LYZL2: variants seen among roughly 807,000 people sequenced by gnomAD.
LYZL2 encodes the protein lysozyme-like protein 2.
Under a neutral mutation model 17.1 loss-of-function variants are expected in LYZL2, and 13 were observed. That is an observed-to-expected ratio of 0.76 (90% confidence interval 0.49 to 1.21). The LOEUF is 1.21. Among genes scored for constraint, LYZL2 ranks in the 50% most tolerant of loss-of-function variants. The probability of loss-of-function intolerance (pLI) is 0.00; values close to 1 mark genes in which losing one functional copy is unlikely to be tolerated. For missense variants in LYZL2, 166 were observed against 189.2 expected (o/e 0.88, Z 0.72); for synonymous variants, 63 against 74.4 (o/e 0.85, Z 0.79).
rs546071634 is a variant in LYZL2, at chr10:30,613,482, G to A, written c.299-582C>T. 4.1e-5 allele frequency among the ~76,000 whole-genome samples: 6 copies of A among 145,220 alleles called. No individual in the cohort carries two copies. In the East Asian group the frequency reaches 1.0e-3, roughly 25 times the overall value. Reference sequence around the variant, plus strand: ...ACTGTACTCCAGCCTGGGCAACAGAGTGAGACTCTGTCTTAAGAAAAAAAA... The same window carrying A: ...ACTGTACTCCAGCCTGGGCAACAGAATGAGACTCTGTCTTAAGAAAAAAAA... On this transcript the variant is annotated intron_variant, in intron 3 of 4. Coordinates refer to ENST00000647634, the MANE Select transcript of LYZL2 (RefSeq NM_183058.3).
At chr10:30,609,741 T>C (rs1229114212), downstream of LYZL2, among the ~76,000 whole-genome samples, 2 of 152,214 alleles carry the variant, frequency 1.3e-5, no homozygotes, top group African/African-American at 4.8e-5. Flanking sequence ...GAGTGTGGGT[T>C]TTTCTAAAAT....
At chr10:30,608,254 T>C (rs1167851664), downstream of LYZL2, among the ~76,000 whole-genome samples, 2 of 152,216 alleles carry the variant, frequency 1.3e-5, no homozygotes, top group African/African-American at 4.8e-5. Flanking sequence ...TTAAACCTTT[T>C]AAATCAAAAA....
At chr10:30,610,070 AT>A (rs1268584653), downstream of LYZL2, among the ~76,000 whole-genome samples, 2 of 152,168 alleles carry the variant, frequency 1.3e-5, no homozygotes, top group Non-Finnish European at 2.9e-5. Flanking sequence ...AAGAAGAAGA[AT>A]TGTCTTAGGC....
At chr10:30,626,434 G>T (rs551060256) in intron 2 of LYZL2, among the ~76,000 whole-genome samples, 171 bp from the exon 3 acceptor site, 1 of 152,356 alleles carries the variant, frequency 6.6e-6, no homozygotes, top group South Asian at 2.1e-4. Flanking sequence ...CACATCAGGG[G>T]CTGGGATGGC....
intron 3 of LYZL2, among the ~76,000 whole-genome samples, chr10:30,622,378 C>T (rs1371811299): frequency 1.3e-5 from 2 of 149,196 alleles, no homozygotes; most frequent in Admixed American, 6.6e-5. Context: ...AACCCCATCT[C>T]TACTAAAAAA....
intron 3 of LYZL2, among the ~76,000 whole-genome samples, chr10:30,617,482 C>A (rs1838546541): frequency 6.6e-6 from 1 of 151,824 alleles, no homozygotes; most frequent in Non-Finnish European, 1.5e-5. Context: ...TTGAGACCAG[C>A]CTGGCCAACA....
At chr10:30,615,893 A>AG (rs1838521079) in intron 3 of LYZL2, among the ~76,000 whole-genome samples, 1 of 151,606 alleles carries the variant, frequency 6.6e-6, no homozygotes, top group Non-Finnish European at 1.5e-5. Flanking sequence ...TTTAGAAAAA[A>AG]AAAGATAGTC....
chr10:30,621,796 GC>G (rs1433144386), intron 3 of LYZL2, among the ~76,000 whole-genome samples: 8 of 152,222 alleles, frequency 5.3e-5, no homozygotes, highest in African/African-American at 1.9e-4. Context: ...TTAACTGTCT[GC>G]TCAAGTAAAT....
chr10:30,625,642 C>A (rs754659717), intron 3 of LYZL2, among the ~76,000 whole-genome samples: 2 of 152,136 alleles, frequency 1.3e-5, no homozygotes, highest in African/African-American at 4.8e-5. Flanking sequence ...TATGAACGCA[C>A]CACTACACTC....
intron 3 of LYZL2, among the ~76,000 whole-genome samples, chr10:30,621,277 C>T (rs540847260): frequency 1.1e-4 from 16 of 152,166 alleles, no homozygotes; most frequent in South Asian, 4.1e-4. Context: ...AGAAAGCAAC[C>T]GAATATCTTT....
intron 3 of LYZL2, among the ~76,000 whole-genome samples, chr10:30,613,188 G>A (rs752004270): frequency 6.6e-6 from 1 of 152,190 alleles, no homozygotes; most frequent in Non-Finnish European, 1.5e-5. Flanking sequence ...ATGTGAAAAT[G>A]TTCCTTATGT....
At chr10:30,624,801 C>A (rs537003467) in intron 3 of LYZL2, among the ~76,000 whole-genome samples, 1 of 152,274 alleles carries the variant, frequency 6.6e-6, no homozygotes, top group Non-Finnish European at 1.5e-5. Flanking sequence ...CACTCTTGTA[C>A]CTTGCATGGC....
downstream of LYZL2, among the ~76,000 whole-genome samples, chr10:30,611,124 C>T (rs533471378): frequency 6.6e-6 from 1 of 152,194 alleles, no homozygotes; most frequent in African/African-American, 2.4e-5. Context: ...GCCACAGGAA[C>T]CAGGACTCCC....
At chr10:30,620,088 G>A (rs1217309808) in intron 3 of LYZL2, among the ~76,000 whole-genome samples, 3 of 152,164 alleles carry the variant, frequency 2.0e-5, no homozygotes, top group Non-Finnish European at 4.4e-5. Flanking sequence ...TAGAAGGATC[G>A]TTTAGAATTT....
downstream of LYZL2, among the ~76,000 whole-genome samples, chr10:30,611,393 G>C (rs1838430689): frequency 6.6e-6 from 1 of 151,392 alleles, no homozygotes; most frequent in South Asian, 2.1e-4. Flanking sequence ...CAGCTACTCG[G>C]GAGGCTGAGG....
chr10:30,611,082 G>A (rs1324591003), downstream of LYZL2, among the ~76,000 whole-genome samples: 2 of 152,106 alleles, frequency 1.3e-5, no homozygotes, highest in Non-Finnish European at 2.9e-5. Flanking sequence ...AGATGAGGGA[G>A]TCTTATTTTC....
chr10:30,620,022 A>T (rs1423170160), intron 3 of LYZL2, among the ~76,000 whole-genome samples: 1 of 152,180 alleles, frequency 6.6e-6, no homozygotes, highest in African/African-American at 2.4e-5. Context: ...GTTTGTATTT[A>T]TCGATTGCTT....
chr10:30,629,613 G>T lies in LYZL2; in HGVS notation c.-46C>A. On this transcript the variant is annotated 5_prime_UTR_variant, in exon 1 of 5. Transcript: ENST00000647634. ...CTTACTGAAAAGGCAGATTCCTGGTGCCTGCCGCAGAGGCTGACTTCTCAG... is the reference window on the plus strand; with the variant it reads ...CTTACTGAAAAGGCAGATTCCTGGTTCCTGCCGCAGAGGCTGACTTCTCAG... 1 of 1,614,162 alleles carries T rather than the reference G, an allele frequency of 6.2e-7. No homozygotes were observed. Among genetic ancestry groups the T allele is most frequent in the Non-Finnish European group, 8.5e-7 (1 of 1,179,992 alleles).
intron 3 of LYZL2, among the ~76,000 whole-genome samples, chr10:30,620,951 G>A (rs892672089): frequency 6.6e-6 from 1 of 151,758 alleles, no homozygotes; most frequent in Admixed American, 6.6e-5. Flanking sequence ...ACTAAAAAAC[G>A]AGGAACCTCA....
Sources: gnomAD v4.1 joint callset for allele counts (sites outside exome capture counted in the v4.1 genomes callset) on GRCh38, gnomAD v4.1.1 for gene constraint, MANE v1.5 for transcripts, NCBI Gene and HGNC (gene_info 2026-07-23, HGNC 2026-07-21) for gene names.